The following ANO2 variants were observed in gnomAD, a reference collection of about 807,000 sequenced individuals.
The protein encoded by ANO2 is anoctamin-2.
Under a neutral mutation model 124.2 loss-of-function variants are expected in ANO2, and 101 were observed. The ratio of observed to expected loss-of-function variants is 0.81; its 90% CI spans 0.69 to 0.96. ANO2 has a LOEUF of 0.96. Ranked by LOEUF, ANO2 falls within the 40% of genes least tolerant of loss-of-function variation. The pLI, the probability that ANO2 is intolerant of heterozygous loss-of-function variation, is 0.00. For missense variants in ANO2, 1,293 were observed against 1,274.5 expected (o/e 1.01, Z -0.22); for synonymous variants, 486 against 482.5 (o/e 1.01, Z -0.09).
At chr12:5,784,456 C>G (rs983710072) in intron 10 of ANO2, among the ~76,000 whole-genome samples, 4 of 152,180 alleles carry the variant, frequency 2.6e-5, no homozygotes, top group Non-Finnish European at 5.9e-5. Context: ...GTTGAGTAGA[C>G]TGAATGATGA....
At chr12:5,620,576 A>C (rs895851662) in intron 16 of ANO2, among the ~76,000 whole-genome samples, 3 of 152,096 alleles carry the variant, frequency 2.0e-5, no homozygotes, top group African/African-American at 7.2e-5. Flanking sequence ...ATTCTATAGC[A>C]GGAGTTGAAT....
Position 5,812,058 on chromosome 12 carries a change from G to C in ANO2, c.893-4690C>G, listed in dbSNP as rs576215025. On this transcript the variant is annotated intron_variant, in intron 7 of 24. Coordinates refer to ENST00000682330, the MANE Select transcript of ANO2 (RefSeq NM_001364791.2). ...AGAGAAAGGGAAGGGAAGGGTAAGG[G>C]AGGGGAGGGGAGAAGAGGGGAGAGG... Among the ~76,000 whole-genome samples the C allele has an allele frequency of 9.0e-4, 134 of 149,702 alleles. 2 individuals are homozygous for C. Among genetic ancestry groups the C allele is most frequent in the Non-Finnish European group, 6.5e-4 (44 of 67,360 alleles).
At chr12:5,719,240 G>T (rs1950131254) in intron 14 of ANO2, among the ~76,000 whole-genome samples, 1 of 152,174 alleles carries the variant, frequency 6.6e-6, no homozygotes, top group Non-Finnish European at 1.5e-5. Flanking sequence ...GGTGGCCTGA[G>T]CCTTCTCTTC....
intron 14 of ANO2, among the ~76,000 whole-genome samples, chr12:5,696,048 CT>C (rs1010035871): frequency 1.3e-4 from 20 of 150,376 alleles, no homozygotes; most frequent in East Asian, 1.9e-4. Flanking sequence ...AGTTTACATG[CT>C]TTTTTTTTAG....
rs1947295430 is a variant in ANO2 at position 5,658,697 on chromosome 12, AG to A, written c.1546-10897del. On this transcript the variant is annotated intron_variant, in intron 14 of 24. Coordinates refer to ENST00000682330, the MANE Select transcript of ANO2 (RefSeq NM_001364791.2). This position sits in a 1 kb window ranked among gnomAD's most constrained non-coding sequence, Gnocchi z 4.3. ...TCATTATCATCATTAAATCATCATC[AG>A]CATCAATATTATCATTGTCATCAAT... Among the ~76,000 whole-genome samples, 1 of 152,086 alleles carries A rather than the reference AG, an allele frequency of 6.6e-6. No individual in the cohort carries two copies. The highest frequency in any genetic ancestry group is 2.4e-5 in the African/African-American group (1 of 41,338).
chr12:5,740,327 G>T, intron 12 of ANO2: 1 of 186,964 alleles, frequency 5.3e-6, no homozygotes, highest in Non-Finnish European at 1.1e-5. Context: ...TTCCCAAGAG[G>T]CCTGGTTATA....
chr12:5,608,181 C>A (rs181093188), intron 19 of ANO2, among the ~76,000 whole-genome samples: 77 of 151,850 alleles, frequency 5.1e-4, no homozygotes, highest in African/African-American at 1.8e-3. Flanking sequence ...GAAAGACTTT[C>A]TTTTTCTTGT....
chr12:5,796,283 ACACT>A (rs1387143443), intron 10 of ANO2, among the ~76,000 whole-genome samples: 11 of 151,228 alleles, frequency 7.3e-5, no homozygotes, highest in African/African-American at 2.4e-4. Context: ...GCATGCACAC[ACACT>A]CATTCACACG....
intron 7 of ANO2, among the ~76,000 whole-genome samples, chr12:5,813,088 G>A (rs1953488343): frequency 6.6e-6 from 1 of 152,044 alleles, no homozygotes; most frequent in Non-Finnish European, 1.5e-5. Context: ...AAGGAAAAAA[G>A]GAAGAGAGGA....
intron 4 of ANO2, among the ~76,000 whole-genome samples, 159 bp downstream of exon 4, chr12:5,853,884 T>TCCCCACC (rs200576156): frequency 2.5e-4 from 8 of 32,154 alleles, no homozygotes; most frequent in African/African-American, 7.8e-4. Context: ...CCCGTCCCCG[T>TCCCCACC]CCCCACCCCC....
chr12:5,632,820 G>T (rs1945791284), intron 16 of ANO2, among the ~76,000 whole-genome samples: 2 of 152,158 alleles, frequency 1.3e-5, no homozygotes, highest in South Asian at 4.1e-4. Flanking sequence ...AAATGAACAG[G>T]AAGGAGAAAG....
At chr12:5,940,610 A>G (rs1459111732) in intron 1 of ANO2, among the ~76,000 whole-genome samples, 1 of 152,230 alleles carries the variant, frequency 6.6e-6, no homozygotes, top group African/African-American at 2.4e-5. Flanking sequence ...TAATAAAAAG[A>G]TGAATAATAA....
chr12:5,781,516 T>A (rs894297823), intron 10 of ANO2, among the ~76,000 whole-genome samples: 3 of 152,256 alleles, frequency 2.0e-5, no homozygotes, highest in African/African-American at 7.2e-5. Flanking sequence ...GGCAAAGAGA[T>A]GATCAGAGAA....
chr12:5,830,929 G>C (rs2137216620), intron 5 of ANO2, among the ~76,000 whole-genome samples: 1 of 152,280 alleles, frequency 6.6e-6, no homozygotes, highest in African/African-American at 2.4e-5. Context: ...CATGAACAAA[G>C]ACAGTGAAAA....
chr12:5,866,317 A>G (rs534727761), intron 3 of ANO2, among the ~76,000 whole-genome samples: 1 of 152,300 alleles, frequency 6.6e-6, no homozygotes, highest in Admixed American at 6.5e-5. Flanking sequence ...GACCCTGCAG[A>G]TGGTTGAGCA....
chr12:5,708,080 G>A (rs889075761), intron 14 of ANO2, among the ~76,000 whole-genome samples: 7 of 152,038 alleles, frequency 4.6e-5, no homozygotes, highest in South Asian at 2.1e-4. Context: ...GTCTTCCCAC[G>A]CCTTAGTAAA....
intron 3 of ANO2, among the ~76,000 whole-genome samples, chr12:5,873,196 G>GCTCTCTCTCTCTCTCTCTCTCTCTCT (rs57038931): frequency 1.7e-5 from 2 of 118,934 alleles, no homozygotes; most frequent in Non-Finnish European, 3.5e-5. Flanking sequence ...GCCTAAAGCA[G>GCTCTCTCTCTCTCTCTCTCTCTCTCT]CTCTCTCTCT....
intron 4 of ANO2, among the ~76,000 whole-genome samples, 185 bp from the exon 5 acceptor site, chr12:5,832,788 C>A (rs769460166): frequency 3.3e-5 from 5 of 152,192 alleles, no homozygotes; most frequent in Non-Finnish European, 7.3e-5. Flanking sequence ...ACCTGGACTC[C>A]TGACTCCTCT....
intron 14 of ANO2, among the ~76,000 whole-genome samples, chr12:5,708,117 A>C (rs982201019): frequency 1.3e-5 from 2 of 152,116 alleles, no homozygotes; most frequent in Non-Finnish European, 2.9e-5. Flanking sequence ...CAGTTGTTCA[A>C]ACTAGACACC....
Sources: allele counts gnomAD v4.1 joint callset (sites outside exome capture counted in the v4.1 genomes callset), GRCh38; gene constraint gnomAD v4.1.1; non-coding constraint Gnocchi (gnomAD v3.1); transcripts MANE v1.5; gene names NCBI Gene and HGNC (gene_info 2026-07-23, HGNC 2026-07-21).